The following MINDY4 variants were observed in gnomAD, a reference collection of about 807,000 sequenced individuals.
MINDY4 encodes probable ubiquitin carboxyl-terminal hydrolase MINDY-4.
MINDY4 carries 68 observed loss-of-function variants against 87.0 expected under a neutral mutation model. The observed-to-expected ratio is 0.78, with a 90% CI of 0.64 to 0.96. The LOEUF (loss-of-function observed/expected upper bound fraction) is 0.96. Among genes scored for constraint, MINDY4 ranks in the 40% least tolerant of loss-of-function variants. The pLI is 0.00. For synonymous variants in MINDY4, 379 were observed against 363.2 expected (o/e 1.04, Z -0.50); for missense variants, 919 against 928.2 (o/e 0.99, Z 0.13).
chr7:30,788,461 A>G (rs1321083329), intron 4 of MINDY4, among the ~76,000 whole-genome samples: 2 of 152,224 alleles, frequency 1.3e-5, no homozygotes, highest in Non-Finnish European at 2.9e-5. Flanking sequence ...ATCTCATTAG[A>G]CAAAAAGAAA....
At chr7:30,790,033 C>G (rs1273092665) in intron 4 of MINDY4, among the ~76,000 whole-genome samples, 2 of 152,098 alleles carry the variant, frequency 1.3e-5, no homozygotes, top group Non-Finnish European at 2.9e-5. Context: ...GGGGTTGAGA[C>G]CATATGTAAG....
At chr7:30,774,420 C>T (rs1017279974) in intron 1 of MINDY4, among the ~76,000 whole-genome samples, 1 of 152,164 alleles carries the variant, frequency 6.6e-6, no homozygotes, top group African/African-American at 2.4e-5. Context: ...ATGCATTTCC[C>T]TCCTCTACTA....
intron 1 of MINDY4, among the ~76,000 whole-genome samples, chr7:30,776,327 T>G (rs1010589679): frequency 3.9e-5 from 6 of 152,338 alleles, no homozygotes; most frequent in African/African-American, 1.2e-4. Flanking sequence ...TCAGGGCCTT[T>G]GCACTTGCTG....
chr7:30,892,111 G>C lies in MINDY4; in HGVS notation c.*106G>C, dbSNP rs531336707. 2 of 1,268,158 alleles carry C rather than the reference G, an allele frequency of 1.6e-6. No individual in the cohort carries two copies. The highest frequency in any genetic ancestry group is 2.4e-5 in the South Asian group (2 of 83,194). 78.6% of individuals were successfully genotyped at this position (1,268,158 alleles called of 1,614,324 possible). ...GGCAGGTCTCATGTACCCCAACCTG[G>C]GTCAGCATGACTGCAGAAGCATCCA... On this transcript the variant is annotated 3_prime_UTR_variant, in exon 18 of 18. Coordinates refer to ENST00000265299, the MANE Select transcript of MINDY4 (RefSeq NM_032222.3).
At chr7:30,845,268 A>C (rs921675652) in intron 9 of MINDY4, among the ~76,000 whole-genome samples, 59 of 152,294 alleles carry the variant, frequency 3.9e-4, no homozygotes, top group African/African-American at 1.3e-3. Flanking sequence ...TGAACACAGA[A>C]GAGTACAGAG....
chr7:30,870,424 A>G (rs1305590279), intron 13 of MINDY4, among the ~76,000 whole-genome samples: 1 of 152,190 alleles, frequency 6.6e-6, no homozygotes, highest in Non-Finnish European at 1.5e-5. Flanking sequence ...ATGCTCTGCC[A>G]TGAGTCACTC....
chr7:30,824,171 C>T (rs1020786939), intron 5 of MINDY4, among the ~76,000 whole-genome samples: 2 of 152,164 alleles, frequency 1.3e-5, no homozygotes. Context: ...GATGGGAGGT[C>T]ACATCTAATG....
chr7:30,818,713 A>G (rs1788236255), intron 5 of MINDY4, among the ~76,000 whole-genome samples: 1 of 152,180 alleles, frequency 6.6e-6, no homozygotes, highest in African/African-American at 2.4e-5. Context: ...CTTCGTGTAT[A>G]TGTTGGGGCT....
At chr7:30,778,698 G>C (rs1786904755) in intron 2 of MINDY4, 147 bp downstream of exon 2, 1 of 915,674 alleles carries the variant, frequency 1.1e-6, no homozygotes, top group Admixed American at 2.1e-5. Context: ...CCCCCCAAAT[G>C]TGGACAGATC....
intron 5 of MINDY4, among the ~76,000 whole-genome samples, chr7:30,799,717 T>C (rs188322132): frequency 1.3e-5 from 2 of 152,274 alleles, no homozygotes; most frequent in East Asian, 3.9e-4. Context: ...TAACAAGCTT[T>C]TTAGGTGATG....
chr7:30,838,006 G>A (rs766204887), intron 7 of MINDY4, among the ~76,000 whole-genome samples: 3 of 152,178 alleles, frequency 2.0e-5, no homozygotes, highest in Non-Finnish European at 4.4e-5. Flanking sequence ...GGAAAATAAT[G>A]AGTCTGTAGG....
chr7:30,786,629 A>C (rs749060440), intron 4 of MINDY4: 1 of 105,822 alleles, frequency 9.4e-6, no homozygotes, highest in Non-Finnish European at 2.0e-5. Flanking sequence ...TGTCTCAAAA[A>C]GAAAAAAAAA....
chr7:30,773,795 AC>A (rs1249947327), intron 1 of MINDY4, among the ~76,000 whole-genome samples: 1 of 152,094 alleles, frequency 6.6e-6, no homozygotes, highest in African/African-American at 2.4e-5. Context: ...TCATAGCCCC[AC>A]GTAAACTCTT....
intron 7 of MINDY4, among the ~76,000 whole-genome samples, chr7:30,836,972 A>G (rs540335798): frequency 7.0e-4 from 107 of 152,266 alleles, no homozygotes; most frequent in African/African-American, 2.5e-3. Flanking sequence ...CCTCTCCAAG[A>G]CAAAAGGTGA....
At chr7:30,794,915 G>A (rs1774531194) in intron 5 of MINDY4, among the ~76,000 whole-genome samples, 1 of 152,242 alleles carries the variant, frequency 6.6e-6, no homozygotes, top group African/African-American at 2.4e-5. Context: ...TGTGGCTCTT[G>A]CTGTCACCCA....
chr7:30,782,775 C>A (rs993467833), intron 3 of MINDY4, among the ~76,000 whole-genome samples: 3 of 152,078 alleles, frequency 2.0e-5, no homozygotes, highest in South Asian at 2.1e-4. Flanking sequence ...AGTCTGAAAT[C>A]TGTAGGGCAG....
intron 5 of MINDY4, among the ~76,000 whole-genome samples, chr7:30,801,149 T>G (rs761795887): frequency 7.9e-5 from 12 of 152,178 alleles, no homozygotes; most frequent in Non-Finnish European, 1.2e-4. Context: ...AGCCGGGACT[T>G]GGAGGAGGCT....
intron 11 of MINDY4, 177 bp downstream of exon 11, chr7:30,852,456 C>A: frequency 2.6e-6 from 2 of 780,118 alleles, no homozygotes; most frequent in Non-Finnish European, 3.1e-6. Flanking sequence ...TGGGGATGGG[C>A]TCCTGCTAGA....
At chr7:30,793,345 T>C (rs1044719695) in intron 5 of MINDY4, among the ~76,000 whole-genome samples, 4 of 151,742 alleles carry the variant, frequency 2.6e-5, no homozygotes, top group Non-Finnish European at 2.9e-5. Context: ...CTCGAATAAC[T>C]TCCTTTAGTA....
Sources: allele counts gnomAD v4.1 joint callset (sites outside exome capture counted in the v4.1 genomes callset), GRCh38; gene constraint gnomAD v4.1.1; transcripts MANE v1.5; gene names NCBI Gene and HGNC (gene_info 2026-07-23, HGNC 2026-07-21).